Variants in CPLANE1 observed in about 807,000 individuals in gnomAD.
CPLANE1 encodes the protein ciliogenesis and planar polarity effector complex subunit 1, also known as ciliogenesis and planar polarity effector 1.
In CPLANE1, 263 loss-of-function variants were observed where a neutral mutation model predicts 362.5. The observed-to-expected ratio is 0.73, with a 90% CI of 0.66 to 0.80. CPLANE1 has a LOEUF of 0.80. CPLANE1 is among the 30% of genes least tolerant of loss of function. CPLANE1 has a pLI of 0.00. For synonymous variants in CPLANE1, 1,212 were observed against 1,302.6 expected, an observed-to-expected ratio of 0.93 and a Z score of 1.50; for missense variants, 3,461 against 3,793.4, an observed-to-expected ratio of 0.91 and a Z score of 2.30.
At chr5:37,118,421 C>A in intron 50 of CPLANE1, among the ~76,000 whole-genome samples, 1 of 150,610 alleles carries the variant, frequency 6.6e-6, no homozygotes. Flanking sequence ...AAAAAAAGGC[C>A]AAGAGCTAAC....
chr5:37,243,782 C>A (rs1490648156), intron 5 of CPLANE1, among the ~76,000 whole-genome samples: 1 of 144,792 alleles, frequency 6.9e-6, no homozygotes, highest in African/African-American at 2.5e-5. Context: ...ATGTTATATA[C>A]ATATATAATA....
intron 16 of CPLANE1, among the ~76,000 whole-genome samples, chr5:37,213,019 A>G (rs1357356682): frequency 6.6e-6 from 1 of 152,060 alleles, no homozygotes; most frequent in East Asian, 1.9e-4. Context: ...GACCAGCCTG[A>G]CTAACGTGGT....
chr5:37,159,094 C>CTTT (rs34035923), intron 38 of CPLANE1, among the ~76,000 whole-genome samples: 13 of 59,788 alleles, frequency 2.2e-4, no homozygotes, highest in African/African-American at 4.5e-4. Flanking sequence ...AATTCACATT[C>CTTT]TTTTTTTTTT....
downstream of CPLANE1, among the ~76,000 whole-genome samples, chr5:37,101,682 C>G (rs1757299254): frequency 6.6e-6 from 1 of 152,138 alleles, no homozygotes; most frequent in Admixed American, 6.5e-5. Context: ...ATGGTACCAG[C>G]TCTTCTTTGT....
intron 14 of CPLANE1, among the ~76,000 whole-genome samples, chr5:37,222,877 T>A (rs1467344536): frequency 1.3e-5 from 2 of 152,206 alleles, no homozygotes; most frequent in Non-Finnish European, 2.9e-5. Flanking sequence ...TGCCTCCAAG[T>A]AAAACCCACG....
Position 37,244,410 on chromosome 5 carries a change from CT to C in CPLANE1, c.534del (p.Glu179LysfsTer3). ...ATAAAAACAGCATTCACTACAGCTT[CT>C]TTATCTTCGGTGGAAGGCAAGAGAA... The part of the protein sequence containing the change: ...EAVLLPSTED[K>X]EAVVNAVFIK... On this transcript the variant is annotated frameshift_variant, in exon 5 of 53. Transcript: ENST00000651892. 6.4e-7 allele frequency: 1 copy of C among 1,550,776 alleles called. No individual in the cohort carries two copies. The highest frequency in any genetic ancestry group is 8.7e-7 in the Non-Finnish European group (1 of 1,146,776).
At chr5:37,180,232 A>T in intron 27 of CPLANE1, 49 bp from the exon 28 acceptor site, 1 of 1,253,592 alleles carries the variant, frequency 8.0e-7, no homozygotes, top group Non-Finnish European at 1.1e-6. Flanking sequence ...GGAGATAAAG[A>T]GCTAATTCAG....
At chr5:37,206,046 T>C in intron 17 of CPLANE1, 151 bp downstream of exon 17, 1 of 630,714 alleles carries the variant, frequency 1.6e-6, no homozygotes, top group Non-Finnish European at 2.8e-6. Flanking sequence ...GTGGCTACCA[T>C]ACTGGACAAC....
the CPLANE1 span, among the ~76,000 whole-genome samples, chr5:37,098,190 G>A: frequency 1.1e-4 from 16 of 151,756 alleles, no homozygotes; most frequent in African/African-American, 3.1e-4. Context: ...TCAGGAGTTC[G>A]AGACCAGCCT....
chr5:37,204,627 T>C (rs569142529), intron 18 of CPLANE1, among the ~76,000 whole-genome samples: 1 of 151,734 alleles, frequency 6.6e-6, no homozygotes, highest in Admixed American at 6.6e-5. Flanking sequence ...TGAAGCGAAA[T>C]ATAATTAGTG....
intron 8 of CPLANE1, among the ~76,000 whole-genome samples, chr5:37,235,473 C>T (rs984351771): frequency 2.0e-5 from 3 of 151,640 alleles, no homozygotes; most frequent in East Asian, 1.9e-4. Context: ...AAATTACCAG[C>T]GCCATTTTTC....
chr5:37,227,428 A>G, intron 10 of CPLANE1, 36 bp from the exon 11 acceptor site: 2 of 1,512,492 alleles, frequency 1.3e-6, no homozygotes, highest in South Asian at 2.6e-5. Flanking sequence ...CCAAGAGCAA[A>G]ATGTTATCTG....
chr5:37,247,271 T>C (rs572910892), intron 2 of CPLANE1, among the ~76,000 whole-genome samples: 2 of 152,362 alleles, frequency 1.3e-5, no homozygotes, highest in Admixed American at 6.5e-5. Context: ...AAACACTCCA[T>C]TAACTGTTCC....
chr5:37,246,690 G>T (rs1221124247), intron 2 of CPLANE1, among the ~76,000 whole-genome samples: 1 of 152,096 alleles, frequency 6.6e-6, no homozygotes, highest in South Asian at 2.1e-4. Flanking sequence ...CAACACCTCA[G>T]AAGTGAGGAG....
At position 37,180,115 on chromosome 5, in the gene CPLANE1, T is replaced by C. The variant is rs776446341; in HGVS notation, c.5639A>G (p.His1880Arg). The change falls in exon 28 of 53, where the codon CAT (histidine) becomes CGT (arginine). Residue 1880 changes from histidine to arginine, a missense_variant. Coordinates refer to ENST00000651892, the MANE Select transcript of CPLANE1 (RefSeq NM_001384732.1). Reference sequence around the variant, plus strand: ...ATCTATAAATTCTTTTTTAGTATTATGAGTGATGGAAATAATATCATCATT... The same window carrying C: ...ATCTATAAATTCTTTTTTAGTATTACGAGTGATGGAAATAATATCATCATT... ...EINDDIISIT[H>R]NTKKEFIDID... is the part of the protein sequence containing the mutation. The C allele has an allele frequency of 2.0e-5, 31 of 1,560,356 alleles. No homozygotes were observed. The highest frequency in any genetic ancestry group is 2.7e-5 in the Non-Finnish European group (31 of 1,152,744).
At position 37,239,760 on chromosome 5, in the gene CPLANE1, T is replaced by C; in HGVS notation, c.787A>G (p.Arg263Gly). 1.3e-6 allele frequency: 2 copies of C among 1,546,370 alleles called. No homozygotes were observed. The highest frequency in any genetic ancestry group is 1.7e-6 in the Non-Finnish European group (2 of 1,144,090). Residue 263 changes from arginine to glycine, a missense_variant, in exon 7 of 53, where the codon AGA (arginine) becomes GGA (glycine). By Grantham distance (125) the Arg-to-Gly change is moderately radical. Around this residue, in one of 2 missense-constraint regions of CPLANE1, gnomAD observed 3,380 missense variants for 3,666.1 expected, o/e 0.92. Transcript: ENST00000651892. ...SRGALISAFS[R>G]DGLTLAVTLN... is the part of the protein sequence containing the mutation. ...GTTACTGCCAGGGTAAGGCCATCTC[T>C]TGAAAAGGCAGAAATTAGAGCTCCT...
At chr5:37,225,729 G>A (rs547622168) in intron 12 of CPLANE1, among the ~76,000 whole-genome samples, 2 of 151,820 alleles carry the variant, frequency 1.3e-5, no homozygotes, top group South Asian at 4.2e-4. Flanking sequence ...GCAGGCGCCT[G>A]TAATCCCAGC....
chr5:37,180,022 T>C lies in CPLANE1; in HGVS notation c.5732A>G (p.Tyr1911Cys). 1 of 1,542,428 alleles carries C rather than the reference T, an allele frequency of 6.5e-7. No homozygotes were observed. Residue 1911 changes from tyrosine to cysteine, a missense_variant, in exon 28 of 53, where the codon TAT becomes TGT. Physicochemically the swap from Tyr to Cys is radical, Grantham distance 194. This residue lies in a region of CPLANE1 where 3,380 missense variants were observed against 3,666.1 expected (regional missense o/e 0.92). Coordinates refer to ENST00000651892, the MANE Select transcript of CPLANE1 (RefSeq NM_001384732.1). ...GATTATCTAAATGAACTGACCTTCATAGTCTGATATGTGCATATCCATTTC... is the reference window on the plus strand; with the variant it reads ...GATTATCTAAATGAACTGACCTTCACAGTCTGATATGTGCATATCCATTTC... ...EEEMDMHISD[Y>C]EEDIEESVGG... is the part of the protein sequence containing the mutation.
chr5:37,181,826 C>T (rs1248974839), intron 26 of CPLANE1, among the ~76,000 whole-genome samples: 2 of 150,404 alleles, frequency 1.3e-5, no homozygotes, highest in Non-Finnish European at 3.0e-5. Flanking sequence ...GGCGCAGTGG[C>T]TCACACCTGT....
Sources: gnomAD v4.1 joint callset for allele counts (sites outside exome capture counted in the v4.1 genomes callset) on GRCh38, gnomAD v4.1.1 for gene constraint, gnomAD v4.1.1 regional missense constraint, MANE v1.5 for transcripts, NCBI Gene and HGNC (gene_info 2026-07-23, HGNC 2026-07-21) for gene names.